The following KCNQ5 variants were observed in gnomAD, a reference collection of about 807,000 sequenced individuals.
The protein encoded by KCNQ5 is potassium voltage-gated channel subfamily Q member 5.
Under a neutral mutation model 98.2 loss-of-function variants are expected in KCNQ5, and 30 were observed. The ratio of observed to expected loss-of-function variants is 0.31; its 90% CI spans 0.23 to 0.41. KCNQ5 has a LOEUF of 0.41. Among genes scored for constraint, KCNQ5 ranks in the 10% least tolerant of loss-of-function variants. The pLI is 1.00. For synonymous variants in KCNQ5, 458 were observed against 449.4 expected (o/e 1.02, Z -0.24); for missense variants, 835 against 1,182.5 (o/e 0.71, Z 4.31).
chr6:73,119,476 A>T (rs1208198351), intron 7 of KCNQ5, among the ~76,000 whole-genome samples: 2 of 152,220 alleles, frequency 1.3e-5, no homozygotes, highest in Non-Finnish European at 2.9e-5. Flanking sequence ...GAGAGAGTTG[A>T]TGTTTTACAT....
At chr6:72,941,666 C>CTTTCTTTCTTTCTT (rs1466284162) in intron 1 of KCNQ5, among the ~76,000 whole-genome samples, 1 of 83,038 alleles carries the variant, frequency 1.2e-5, no homozygotes, top group African/African-American at 4.9e-5. Flanking sequence ...CCCTCCCCAT[C>CTTTCTTTCTTTCTT]TCTTTCTTTC....
At chr6:73,012,308 T>C (rs1770100421) in intron 2 of KCNQ5, among the ~76,000 whole-genome samples, 2 of 152,086 alleles carry the variant, frequency 1.3e-5, no homozygotes, top group African/African-American at 4.8e-5. Context: ...TTTTGACATA[T>C]GCTTCAACAT....
At position 72,887,985 on chromosome 6, in the gene KCNQ5, A is replaced by G. The variant is rs142246399; in HGVS notation, c.399-115923A>G. On this transcript the variant is annotated intron_variant, in intron 1 of 13. Transcript: ENST00000370398. Reference sequence around the variant, plus strand: ...TTATAAGCAGCCCACTTAAAAATATAACACATTAATATTAAAAATAAAATT... The same window carrying G: ...TTATAAGCAGCCCACTTAAAAATATGACACATTAATATTAAAAATAAAATT... Among the ~76,000 whole-genome samples the G allele has an allele frequency of 4.8e-3, 727 of 152,288 alleles. 11 individuals are homozygous for G. The highest frequency in any genetic ancestry group is 0.021 in the East Asian group (107 of 5,192).
chr6:72,728,378 C>T (rs1394158991), intron 1 of KCNQ5, among the ~76,000 whole-genome samples: 1 of 152,172 alleles, frequency 6.6e-6, no homozygotes, highest in Non-Finnish European at 1.5e-5. Flanking sequence ...TCTTCTTGAT[C>T]TGGAGGCCTG....
chr6:72,839,287 G>T (rs900352819), intron 1 of KCNQ5, among the ~76,000 whole-genome samples: 2 of 152,162 alleles, frequency 1.3e-5, no homozygotes, highest in Non-Finnish European at 2.9e-5. Context: ...TCTCTGAAGA[G>T]ATTTCATATC....
intron 2 of KCNQ5, among the ~76,000 whole-genome samples, chr6:73,031,382 T>A (rs773344628): frequency 4.6e-5 from 7 of 152,202 alleles, no homozygotes; most frequent in African/African-American, 7.2e-5. Context: ...AATAGACAGG[T>A]CAGAAATGAA....
At chr6:73,116,512 T>A (rs144546640) in intron 7 of KCNQ5, among the ~76,000 whole-genome samples, 223 of 151,950 alleles carry the variant, frequency 1.5e-3, no homozygotes, top group African/African-American at 4.9e-3. Flanking sequence ...CAAAAAAATT[T>A]TAAAAAGTCA....
intron 1 of KCNQ5, among the ~76,000 whole-genome samples, chr6:72,633,721 G>C (rs1203860448): frequency 1.3e-5 from 2 of 152,148 alleles, no homozygotes; most frequent in Non-Finnish European, 2.9e-5. Context: ...AGAAAATTCA[G>C]AAATAAAGTG....
intron 1 of KCNQ5, among the ~76,000 whole-genome samples, chr6:72,769,802 C>T (rs6904313): frequency 0.6 from 90,423 of 151,898 alleles, 26,934 homozygotes; most frequent in Admixed American, 0.63. Flanking sequence ...GGGCTTTTCT[C>T]TTGGTTTGTT....
At chr6:73,126,454 T>C (rs1306095422) in intron 9 of KCNQ5, among the ~76,000 whole-genome samples, 13 of 152,094 alleles carry the variant, frequency 8.5e-5, no homozygotes, top group Non-Finnish European at 2.9e-5. Context: ...AGTGTCACTG[T>C]TGAGCTTCTG....
intron 10 of KCNQ5, among the ~76,000 whole-genome samples, chr6:73,162,807 T>C (rs1211283919): frequency 6.6e-6 from 1 of 152,122 alleles, no homozygotes; most frequent in Non-Finnish European, 1.5e-5. Flanking sequence ...CTGTGTGGAG[T>C]TGGCACATCC....
chr6:72,675,462 C>T (rs1214231518), intron 1 of KCNQ5, among the ~76,000 whole-genome samples: 1 of 152,068 alleles, frequency 6.6e-6, no homozygotes, highest in Non-Finnish European at 1.5e-5. Flanking sequence ...TGTGGAAAAC[C>T]AGTCTTTGCC....
intron 10 of KCNQ5, among the ~76,000 whole-genome samples, chr6:73,141,597 A>T (rs888600311): frequency 1.3e-5 from 2 of 152,154 alleles, no homozygotes; most frequent in African/African-American, 4.8e-5. Context: ...CTGTTGGTGG[A>T]TAAAATAGCT....
At chr6:72,923,187 G>A (rs531781377) in intron 1 of KCNQ5, among the ~76,000 whole-genome samples, 8 of 152,248 alleles carry the variant, frequency 5.3e-5, no homozygotes, top group Admixed American at 1.3e-4. Flanking sequence ...TGTGAATAAT[G>A]CTTCAGTAAA....
intron 1 of KCNQ5, among the ~76,000 whole-genome samples, chr6:72,946,278 T>C (rs1180199318): frequency 6.6e-6 from 1 of 152,204 alleles, no homozygotes; most frequent in Non-Finnish European, 1.5e-5. Context: ...GGATGAAGTG[T>C]TACATTTTAA....
intron 1 of KCNQ5, among the ~76,000 whole-genome samples, chr6:72,772,499 G>T (rs1046921610): frequency 1.3e-5 from 2 of 152,088 alleles, no homozygotes; most frequent in Non-Finnish European, 2.9e-5. Context: ...TAGCTTCAGA[G>T]AAGTGAAAAT....
intron 1 of KCNQ5, among the ~76,000 whole-genome samples, chr6:72,929,122 T>G (rs140665165): frequency 1.3e-5 from 2 of 152,278 alleles, no homozygotes; most frequent in African/African-American, 4.8e-5. Flanking sequence ...TCCTCATAAC[T>G]AGCTGTAAAA....
At chr6:73,154,478 T>C (rs1777274732) in intron 10 of KCNQ5, among the ~76,000 whole-genome samples, 1 of 152,196 alleles carries the variant, frequency 6.6e-6, no homozygotes, top group Non-Finnish European at 1.5e-5. Context: ...TGTTACATTG[T>C]TCCTGAAGAG....
chr6:73,081,703 G>A (rs927966249), intron 5 of KCNQ5, among the ~76,000 whole-genome samples: 1 of 151,958 alleles, frequency 6.6e-6, no homozygotes, highest in African/African-American at 2.4e-5. Flanking sequence ...TTGTTGATTT[G>A]TTGCCTGAAA....
Sources: gnomAD v4.1 joint callset for allele counts (sites outside exome capture counted in the v4.1 genomes callset) on GRCh38, gnomAD v4.1.1 for gene constraint, MANE v1.5 for transcripts, NCBI Gene and HGNC (gene_info 2026-07-23, HGNC 2026-07-21) for gene names.